RIOX2: variants seen among roughly 807,000 people sequenced by gnomAD.
The protein encoded by RIOX2 is 60S ribosomal protein L27a histidine hydroxylase.
A neutral mutation model predicts 51.2 loss-of-function variants in RIOX2; 43 were observed. That is an observed-to-expected ratio of 0.84 (90% CI 0.66 to 1.08). RIOX2 has a LOEUF of 1.08. Among genes scored for constraint, RIOX2 ranks in the 50% least tolerant of loss-of-function variants. The pLI, the probability that RIOX2 is intolerant of heterozygous loss-of-function variation, is 0.00. For missense variants in RIOX2, 566 were observed against 561.7 expected (o/e 1.01, Z -0.08); for synonymous variants, 226 against 218.5 (o/e 1.03, Z -0.30).
chr3:97,956,573 G>A (rs979590658), intron 4 of RIOX2, among the ~76,000 whole-genome samples: 1 of 151,194 alleles, frequency 6.6e-6, no homozygotes, highest in Non-Finnish European at 1.5e-5. Context: ...CTCGGTCACT[G>A]CAACCTCCAT....
intron 4 of RIOX2, among the ~76,000 whole-genome samples, chr3:97,957,493 C>A (rs1392704340): frequency 1.2e-4 from 4 of 34,380 alleles, no homozygotes; most frequent in African/African-American, 1.5e-4. Context: ...GAGACTCTGT[C>A]TTAAAAAAAA....
At chr3:97,953,935 T>A (rs1705359412) in intron 5 of RIOX2, 1 of 159,008 alleles carries the variant, frequency 6.3e-6, no homozygotes. Flanking sequence ...TCTGTTGGAA[T>A]AAACATGTTT....
chr3:97,967,758 C>T (rs1045587456), intron 1 of RIOX2, 126 bp from the exon 2 acceptor site: 3 of 642,516 alleles, frequency 4.7e-6, no homozygotes, highest in Non-Finnish European at 7.7e-6. Context: ...TAGGTCAAAG[C>T]TACTTCCCCC....
intron 2 of RIOX2, among the ~76,000 whole-genome samples, chr3:97,965,787 CAA>C (rs1202787118): frequency 6.6e-6 from 1 of 152,146 alleles, no homozygotes; most frequent in African/African-American, 2.4e-5. Flanking sequence ...GGTCTATGAC[CAA>C]AGTACACGTA....
intron 7 of RIOX2, among the ~76,000 whole-genome samples, chr3:97,947,983 C>T (rs1048759789): frequency 3.3e-5 from 5 of 152,012 alleles, no homozygotes; most frequent in Non-Finnish European, 7.4e-5. Flanking sequence ...TTGGATTTAA[C>T]TTAGTGGAAC....
At position 97,970,716 on chromosome 3, in the gene RIOX2, TTGACTA is replaced by T. The variant is rs1263713868; in HGVS notation, c.-40+1659_-40+1664del. Reference sequence around the variant, plus strand: ...GAAGAGCAATTGTTTTCCATTTGAGTTGACTATAAGCATTAAATGTAAAAAGACTAA... The same window carrying T: ...GAAGAGCAATTGTTTTCCATTTGAGTTAAGCATTAAATGTAAAAAGACTAA... On this transcript the variant is annotated intron_variant, in intron 1 of 9. Transcript: ENST00000394198. Among the ~76,000 whole-genome samples, 4 of 152,272 alleles carry T rather than the reference TTGACTA, an allele frequency of 2.6e-5. No homozygotes were observed. In the South Asian group the frequency reaches 6.2e-4, roughly 24 times the overall value.
rs1474724102 is a variant in RIOX2 at position 97,944,226 on chromosome 3, A to G, written c.*958T>C. ...AACGTGGAGTTGATTTCTCTACTAAATAACAGAAACCTCAGTTTTTCACTC... is the reference window on the plus strand; with the variant it reads ...AACGTGGAGTTGATTTCTCTACTAAGTAACAGAAACCTCAGTTTTTCACTC... On this transcript the variant is annotated 3_prime_UTR_variant, in exon 10 of 10. Transcript: ENST00000394198. The G allele has an allele frequency of 6.6e-6, 1 of 151,844 alleles. No homozygotes were observed. Among genetic ancestry groups the G allele is most frequent in the African/African-American group, 2.4e-5 (1 of 41,390 alleles). 9.4% of individuals were successfully genotyped at this position (151,844 alleles called of 1,614,324 possible).
intron 3 of RIOX2, among the ~76,000 whole-genome samples, chr3:97,961,364 G>C (rs1239388363): frequency 6.6e-6 from 1 of 152,212 alleles, no homozygotes; most frequent in Non-Finnish European, 1.5e-5. Flanking sequence ...AATTAGTAAG[G>C]TTGGAAACAA....
intron 4 of RIOX2, among the ~76,000 whole-genome samples, chr3:97,958,479 C>A (rs2107170255): frequency 6.6e-6 from 1 of 152,304 alleles, no homozygotes; most frequent in South Asian, 2.1e-4. Flanking sequence ...GGAACCTGCA[C>A]ATGATTAAGC....
chr3:97,954,120 G>A (rs1223073596), intron 5 of RIOX2: 2 of 384,396 alleles, frequency 5.2e-6, no homozygotes, highest in Non-Finnish European at 9.6e-6. Flanking sequence ...TGTACCCACA[G>A]CTAGTCTCTT....
At chr3:97,968,731 T>C (rs989947839) in intron 1 of RIOX2, among the ~76,000 whole-genome samples, 1 of 152,234 alleles carries the variant, frequency 6.6e-6, no homozygotes, top group African/African-American at 2.4e-5. Context: ...TAAAGTCCTT[T>C]CCCTCTGGGA....
rs762583420 is a variant in RIOX2 at position 97,950,828 on chromosome 3, T to C, written c.846A>G (p.Glu282=). ...GTATGCCGGTCCGTAACTCCACGTC[T>C]TCCTTTGCAGTATCAAATACAAGCC... ...ISGLVFDTAK[E]DVELRTGIPR... is the part of the protein sequence containing the mutation. The change falls in exon 6 of 10, where the codon GAA becomes GAG. Residue 282 remains glutamate, a synonymous_variant. Coordinates refer to ENST00000394198, the MANE Select transcript of RIOX2 (RefSeq NM_153182.4). The C allele has an allele frequency of 7.4e-6, 12 of 1,613,764 alleles. No homozygotes were observed. The highest frequency in any genetic ancestry group is 7.6e-6 in the Non-Finnish European group (9 of 1,179,852).
At position 97,943,980 on chromosome 3, in the gene RIOX2, T is replaced by G. The variant is rs991475540; in HGVS notation, c.*1204A>C. The G allele has an allele frequency of 6.6e-6, 1 of 151,890 alleles. No individual in the cohort carries two copies. Among genetic ancestry groups the G allele is most frequent in the Non-Finnish European group, 1.5e-5 (1 of 67,928 alleles). 9.4% of individuals were successfully genotyped at this position (151,890 alleles called of 1,614,324 possible). ...GTCCTTCAAACTAAAAAAGTACAAA[T>G]AAATAACCTATGGCCAAACTTGCAC... On this transcript the variant is annotated 3_prime_UTR_variant, in exon 10 of 10. Coordinates refer to ENST00000394198, the MANE Select transcript of RIOX2 (RefSeq NM_153182.4).
chr3:97,967,467 C>G lies in RIOX2; in HGVS notation c.127G>C (p.Glu43Gln). The change falls in exon 2 of 10, where the codon GAA becomes CAA. Residue 43 changes from glutamate to glutamine, a missense_variant. Physicochemically the swap from Glu to Gln is conservative, Grantham distance 29 (BLOSUM62 2). Transcript: ENST00000394198. The part of the protein sequence containing the change: ...LNFDSPSSLF[E>Q]SLISPIKTET... Reference sequence around the variant, plus strand: ...GTCTTGATGGGCGAGATTAAACTTTCAAAGAGACTACTGGGACTGTCAAAG... The same window carrying G: ...GTCTTGATGGGCGAGATTAAACTTTGAAAGAGACTACTGGGACTGTCAAAG... 4 of 1,614,142 alleles carry G rather than the reference C, an allele frequency of 2.5e-6. No individual in the cohort carries two copies. The highest frequency in any genetic ancestry group is 3.4e-6 in the Non-Finnish European group (4 of 1,180,040).
intron 3 of RIOX2, 127 bp from the exon 4 acceptor site, chr3:97,959,306 GTTTTTTT>G (rs67345115): frequency 1.6e-4 from 37 of 237,440 alleles, no homozygotes; most frequent in Admixed American, 6.3e-4. Context: ...AACAACACAG[GTTTTTTT>G]TTTTTTTTTT....
chr3:97,966,100 T>C (rs1031774348), intron 2 of RIOX2, among the ~76,000 whole-genome samples: 1 of 152,194 alleles, frequency 6.6e-6, no homozygotes, highest in Admixed American at 6.5e-5. Context: ...ATACAGAGTA[T>C]GAATAGGTTC....
At chr3:97,970,829 AACAG>A (rs1432084121) in intron 1 of RIOX2, among the ~76,000 whole-genome samples, 8 of 152,228 alleles carry the variant, frequency 5.3e-5, no homozygotes, top group East Asian at 3.8e-4. Flanking sequence ...TACTATAGGC[AACAG>A]ACAGACAGTC....
At chr3:97,968,409 T>C (rs975343865) in intron 1 of RIOX2, among the ~76,000 whole-genome samples, 2 of 152,190 alleles carry the variant, frequency 1.3e-5, no homozygotes, top group Non-Finnish European at 2.9e-5. Context: ...CCAATATCAT[T>C]AGCCCCTAAC....
chr3:97,967,581 C>T lies in RIOX2; in HGVS notation c.13G>A (p.Ala5Thr). 2.5e-6 allele frequency: 4 copies of T among 1,583,458 alleles called. No homozygotes were observed. The highest frequency in any genetic ancestry group is 3.4e-6 in the Non-Finnish European group (4 of 1,168,728). Residue 5 changes from alanine (A) to threonine (T), a missense_variant, in exon 2 of 10, where the codon GCA becomes ACA. Ala to Thr is a moderately conservative substitution (Grantham distance 58, BLOSUM62 0). Coordinates refer to ENST00000394198, the MANE Select transcript of RIOX2 (RefSeq NM_153182.4). ...TCCTTCCCACTCCCTGTAGGCTTTG[C>T]TTTCTTTGGCATCGTTCTGTCTTCA... MPKK[A>T]KPTGSGKEEG...
Sources: allele counts gnomAD v4.1 joint callset (sites outside exome capture counted in the v4.1 genomes callset), GRCh38; gene constraint gnomAD v4.1.1; transcripts MANE v1.5; gene names NCBI Gene and HGNC (gene_info 2026-07-23, HGNC 2026-07-21).